Variants in FOXP1 observed in about 807,000 individuals in gnomAD.
The protein encoded by FOXP1 is forkhead box P1.
In FOXP1, 15 loss-of-function variants were observed where a neutral mutation model predicts 98.2. The observed-to-expected ratio is 0.15, with a 90% CI of 0.10 to 0.24. The LOEUF (loss-of-function observed/expected upper bound fraction) is 0.24. Ranked by LOEUF, FOXP1 falls within the 10% of genes least tolerant of loss-of-function variation. FOXP1 has a pLI of 1.00. For missense variants in FOXP1, 633 were observed against 848.5 expected (o/e 0.75, Z 3.15); for synonymous variants, 371 against 314.5 (o/e 1.18, Z -1.90).
At chr3:71,340,934 A>G (rs1213226382) in intron 4 of FOXP1, among the ~76,000 whole-genome samples, 1 of 152,150 alleles carries the variant, frequency 6.6e-6, no homozygotes, top group Non-Finnish European at 1.5e-5. Flanking sequence ...CTTTGAGAAA[A>G]TCTTCACCTA....
At position 71,035,855 on chromosome 3, in the gene FOXP1, T is replaced by C. The variant is rs184649082; in HGVS notation, c.869+5473A>G. 6.1e-3 allele frequency among the ~76,000 whole-genome samples: 931 copies of C among 152,196 alleles called. 4 individuals carry two copies. Among genetic ancestry groups the C allele is most frequent in the African/African-American group, 0.019 (777 of 41,532 alleles). ...TGCTTAAATTTCAACAGGTCCTACA[T>C]ATCACAGAACATGCACCAGTTAAAG... On this transcript the variant is annotated intron_variant, in intron 11 of 20. Coordinates refer to ENST00000649528, the MANE Select transcript of FOXP1 (RefSeq NM_001349338.3).
intron 5 of FOXP1, among the ~76,000 whole-genome samples, chr3:71,257,063 A>T (rs2068685226): frequency 6.6e-6 from 1 of 152,146 alleles, no homozygotes; most frequent in Admixed American, 6.5e-5. Context: ...GTATGATGGG[A>T]AGGCCCATGC....
intron 19 of FOXP1, chr3:70,968,738 T>C (rs932738748): frequency 3.3e-5 from 5 of 152,352 alleles, no homozygotes; most frequent in Admixed American, 1.3e-4. Context: ...GTAATTTTTT[T>C]GAAGATATTG....
At chr3:71,505,522 T>C (rs1406012307) in intron 2 of FOXP1, among the ~76,000 whole-genome samples, 1 of 149,892 alleles carries the variant, frequency 6.7e-6, no homozygotes, top group Non-Finnish European at 1.5e-5. Context: ...CCCTCCCAGG[T>C]TCAAGCGATT....
intron 3 of FOXP1, among the ~76,000 whole-genome samples, chr3:71,400,944 T>A (rs189784412): frequency 3.2e-4 from 49 of 152,274 alleles, no homozygotes; most frequent in Admixed American, 5.2e-4. Flanking sequence ...AGTCTACGTC[T>A]CATAAAAACA....
chr3:71,230,172 C>T (rs763195385), intron 5 of FOXP1, among the ~76,000 whole-genome samples: 3 of 152,166 alleles, frequency 2.0e-5, no homozygotes, highest in Non-Finnish European at 2.9e-5. Flanking sequence ...TTGCAAAGGC[C>T]GCAGGCTTAC....
At chr3:71,097,222 C>A (rs2056543008) in intron 7 of FOXP1, among the ~76,000 whole-genome samples, 1 of 152,062 alleles carries the variant, frequency 6.6e-6, no homozygotes, top group Admixed American at 6.6e-5. Context: ...TTTTTATATT[C>A]TTAAATAGCA....
intron 1 of FOXP1, chr3:71,582,389 C>T (rs1304367579): frequency 3.8e-5 from 37 of 980,964 alleles, no homozygotes; most frequent in Non-Finnish European, 4.2e-5. Context: ...CCGCCACCGC[C>T]GTGGTCCCCA....
intron 2 of FOXP1, among the ~76,000 whole-genome samples, chr3:71,520,894 G>GAGC (rs2042933470): frequency 6.6e-6 from 1 of 152,170 alleles, no homozygotes; most frequent in South Asian, 2.1e-4. Flanking sequence ...CACCCACGCT[G>GAGC]AGCAGCACAT....
At chr3:71,150,455 A>G (rs934928799) in intron 6 of FOXP1, among the ~76,000 whole-genome samples, 1 of 152,268 alleles carries the variant, frequency 6.6e-6, no homozygotes, top group Middle Eastern at 3.4e-3. Flanking sequence ...GATACTTGAG[A>G]TAAGTTTCAG....
At chr3:71,384,060 T>C (rs1233522254) in intron 3 of FOXP1, among the ~76,000 whole-genome samples, 2 of 151,924 alleles carry the variant, frequency 1.3e-5, no homozygotes, top group African/African-American at 2.4e-5. Flanking sequence ...CTACTAAAAA[T>C]ACAAAAAAAT....
intron 3 of FOXP1, among the ~76,000 whole-genome samples, chr3:71,470,251 A>C (rs1044399782): frequency 4.6e-5 from 7 of 152,154 alleles, no homozygotes; most frequent in Non-Finnish European, 4.4e-5. Flanking sequence ...CTGTTTCTTC[A>C]TCTGTAAAAC....
At chr3:71,413,259 G>C (rs375869114) in intron 3 of FOXP1, among the ~76,000 whole-genome samples, 8 of 64,472 alleles carry the variant, frequency 1.2e-4, no homozygotes, top group South Asian at 7.9e-4. Context: ...CCCCCAAATA[G>C]ACACACACAC....
intron 5 of FOXP1, among the ~76,000 whole-genome samples, chr3:71,272,690 C>G (rs929633372): frequency 7.9e-5 from 12 of 152,140 alleles, no homozygotes; most frequent in Admixed American, 6.5e-4. Context: ...TGCAGTCAAG[C>G]GTTACACCAA....
intron 5 of FOXP1, among the ~76,000 whole-genome samples, chr3:71,199,893 T>C (rs1158945531): frequency 6.6e-6 from 1 of 151,826 alleles, no homozygotes; most frequent in East Asian, 1.9e-4. Flanking sequence ...CTGGCCAATA[T>C]GGTGAAACCC....
chr3:70,995,754 T>C (rs1006249694), intron 13 of FOXP1, among the ~76,000 whole-genome samples: 3 of 152,220 alleles, frequency 2.0e-5, no homozygotes, highest in African/African-American at 7.2e-5. Flanking sequence ...AGATGTCTTC[T>C]TGACTCTTCT....
chr3:71,217,274 T>C (rs1478292101), intron 5 of FOXP1, among the ~76,000 whole-genome samples: 1 of 152,102 alleles, frequency 6.6e-6, no homozygotes. Flanking sequence ...GGTTTCATCA[T>C]GTTGGCCTGG....
At chr3:71,578,901 A>G (rs2047928717) in intron 2 of FOXP1, among the ~76,000 whole-genome samples, 1 of 152,242 alleles carries the variant, frequency 6.6e-6, no homozygotes, top group Non-Finnish European at 1.5e-5. Flanking sequence ...GTTTAACTAG[A>G]AAATATTTAT....
At chr3:71,290,172 C>T (rs1447475499) in intron 5 of FOXP1, among the ~76,000 whole-genome samples, 1 of 152,162 alleles carries the variant, frequency 6.6e-6, no homozygotes, top group Non-Finnish European at 1.5e-5. Flanking sequence ...TCCAAAACTG[C>T]CCCACCCACT....
Sources: gnomAD v4.1 joint callset for allele counts (sites outside exome capture counted in the v4.1 genomes callset) on GRCh38, gnomAD v4.1.1 for gene constraint, MANE v1.5 for transcripts, NCBI Gene and HGNC (gene_info 2026-07-23, HGNC 2026-07-21) for gene names.